CYB5R4: variants seen among roughly 807,000 people sequenced by gnomAD.
The protein encoded by CYB5R4 is N-terminal cytochrome b5 and cytochrome b5 oxidoreductase domain-containing protein.
Under a neutral mutation model 70.2 loss-of-function variants are expected in CYB5R4, and 55 were observed. The ratio of observed to expected loss-of-function variants is 0.78; its 90% CI spans 0.63 to 0.98. The LOEUF (loss-of-function observed/expected upper bound fraction) is 0.98, where lower values mean the gene tolerates loss of function less well. CYB5R4 is among the 50% of genes least tolerant of loss of function. The pLI is 0.00. For synonymous variants in CYB5R4, 197 were observed against 199.5 expected (o/e 0.99, Z 0.11); for missense variants, 562 against 612.6 (o/e 0.92, Z 0.87).
intron 10 of CYB5R4, 37 bp downstream of exon 10, chr6:83,924,629 C>A: frequency 1.9e-6 from 3 of 1,596,926 alleles, no homozygotes; most frequent in South Asian, 1.1e-5. Flanking sequence ...ATTTCACATT[C>A]ATGAAATTGT....
intron 2 of CYB5R4, among the ~76,000 whole-genome samples, chr6:83,870,199 AT>A (rs575557529): frequency 5.8e-4 from 89 of 152,208 alleles, no homozygotes; most frequent in Admixed American, 1.4e-3. Flanking sequence ...ATGGGTCAGT[AT>A]TCGCTAATTC....
At chr6:83,915,612 T>C (rs1413117983) in intron 5 of CYB5R4, among the ~76,000 whole-genome samples, 1 of 152,250 alleles carries the variant, frequency 6.6e-6, no homozygotes, top group Admixed American at 6.5e-5. Flanking sequence ...ATTTGACTAA[T>C]TTCTCAGTAA....
At chr6:83,879,967 G>A (rs2099459202) in intron 2 of CYB5R4, among the ~76,000 whole-genome samples, 1 of 152,170 alleles carries the variant, frequency 6.6e-6, no homozygotes, top group Non-Finnish European at 1.5e-5. Flanking sequence ...TTGGAATTTA[G>A]ATCATCTGGT....
chr6:83,920,630 T>C (rs1316197313), intron 7 of CYB5R4, among the ~76,000 whole-genome samples: 1 of 151,600 alleles, frequency 6.6e-6, no homozygotes, highest in Non-Finnish European at 1.5e-5. Context: ...TTGATTTTTT[T>C]TATAAGCTAA....
At chr6:83,922,344 A>C in intron 8 of CYB5R4, 94 bp from the exon 9 acceptor site, 1 of 858,546 alleles carries the variant, frequency 1.2e-6, no homozygotes, top group East Asian at 2.8e-5. Flanking sequence ...GGGATTTGAA[A>C]TAGTACATAA....
intron 2 of CYB5R4, among the ~76,000 whole-genome samples, chr6:83,872,411 G>A (rs1213716048): frequency 1.3e-5 from 2 of 152,140 alleles, no homozygotes; most frequent in African/African-American, 2.4e-5. Flanking sequence ...TAGAGAATCC[G>A]CATTTACCAA....
chr6:83,869,433 C>T (rs1156530164), intron 2 of CYB5R4, among the ~76,000 whole-genome samples: 4 of 152,204 alleles, frequency 2.6e-5, no homozygotes, highest in African/African-American at 9.7e-5. Flanking sequence ...AAGACACACA[C>T]AGAGCAGTGA....
At chr6:83,885,124 T>G (rs527680714) in intron 2 of CYB5R4, among the ~76,000 whole-genome samples, 3 of 152,322 alleles carry the variant, frequency 2.0e-5, no homozygotes, top group African/African-American at 7.2e-5. Context: ...CTATATGTTA[T>G]AAATAGTACC....
chr6:83,963,502 T>G lies in CYB5R4; in HGVS notation c.*3624T>G, dbSNP rs946363239. ...GTATTTAACATTGTGGCAAATAAAT[T>G]ATAAAGGAAAAATGGAATCTCAAGT... On this transcript the variant is annotated 3_prime_UTR_variant, in exon 16 of 16. Transcript: ENST00000369681. 1 of 152,152 alleles carries G rather than the reference T, an allele frequency of 6.6e-6. No homozygotes were observed. The highest frequency in any genetic ancestry group is 1.5e-5 in the Non-Finnish European group (1 of 68,022). 9.4% of individuals were successfully genotyped at this position (152,152 alleles called of 1,614,324 possible).
intron 4 of CYB5R4, 23 bp from the exon 5 acceptor site, chr6:83,914,393 T>A (rs1406830506): frequency 6.5e-7 from 1 of 1,528,424 alleles, no homozygotes; most frequent in Non-Finnish European, 8.9e-7. Flanking sequence ...TTATTTGACT[T>A]TTTTTTCTAA....
chr6:83,896,469 A>G (rs970252308), intron 3 of CYB5R4, among the ~76,000 whole-genome samples: 6 of 152,084 alleles, frequency 3.9e-5, no homozygotes, highest in African/African-American at 1.4e-4. Context: ...TCTATTCTCT[A>G]TGTCAATGAG....
chr6:83,930,965 G>A (rs746607488), intron 10 of CYB5R4, among the ~76,000 whole-genome samples: 5 of 152,258 alleles, frequency 3.3e-5, no homozygotes, highest in Non-Finnish European at 7.3e-5. Flanking sequence ...TTGAGAAGAG[G>A]TAGGACCTTG....
At chr6:83,921,208 T>C in intron 8 of CYB5R4, 33 bp downstream of exon 8, 2 of 1,426,814 alleles carry the variant, frequency 1.4e-6, no homozygotes, top group Non-Finnish European at 1.9e-6. Flanking sequence ...TGGAAAGAGC[T>C]CTGGTTTTCT....
chr6:83,911,565 A>AT lies in CYB5R4; in HGVS notation c.412+2485dup, dbSNP rs541947944. 1.5e-3 allele frequency among the ~76,000 whole-genome samples: 222 copies of AT among 150,370 alleles called. 8 individuals are homozygous for AT. In the South Asian group the frequency reaches 0.042, roughly 28 times the overall value. ...GTAAAACATTCAATTAATGCTCAGCATTTTTTTTTTCCTAGAATGCTTTTC... is the reference window on the plus strand; with the variant it reads ...GTAAAACATTCAATTAATGCTCAGCATTTTTTTTTTTCCTAGAATGCTTTTC... On this transcript the variant is annotated intron_variant, in intron 4 of 15. Coordinates refer to ENST00000369681, the MANE Select transcript of CYB5R4 (RefSeq NM_016230.4).
At chr6:83,922,390 T>C in intron 8 of CYB5R4, 48 bp from the exon 9 acceptor site, 2 of 1,518,478 alleles carry the variant, frequency 1.3e-6, no homozygotes, top group African/African-American at 1.4e-5. Context: ...GTTCAAAAAC[T>C]GTATGAATTG....
chr6:83,880,157 A>G (rs7772151), intron 2 of CYB5R4, among the ~76,000 whole-genome samples: 43,218 of 152,144 alleles, frequency 0.28, 12,034 homozygotes, highest in African/African-American at 0.72. Context: ...ACCATGTGTC[A>G]TTTTAGTACA....
At chr6:83,876,004 C>T (rs947127861) in intron 2 of CYB5R4, among the ~76,000 whole-genome samples, 4 of 152,040 alleles carry the variant, frequency 2.6e-5, no homozygotes, top group Non-Finnish European at 4.4e-5. Flanking sequence ...CTGGTTCGAA[C>T]GCCTCTGACA....
At chr6:83,911,469 A>G (rs141411583) in intron 4 of CYB5R4, among the ~76,000 whole-genome samples, 41 of 152,310 alleles carry the variant, frequency 2.7e-4, no homozygotes, top group African/African-American at 9.1e-4. Flanking sequence ...CTGAGCTCTT[A>G]TCTGATGGTG....
At chr6:83,894,964 G>A (rs1005995637) in intron 3 of CYB5R4, among the ~76,000 whole-genome samples, 3 of 152,064 alleles carry the variant, frequency 2.0e-5, no homozygotes, top group African/African-American at 7.2e-5. Context: ...GTTGTTCAAG[G>A]GCCCATTGTG....
Sources: gnomAD v4.1 joint callset for allele counts (sites outside exome capture counted in the v4.1 genomes callset) on GRCh38, gnomAD v4.1.1 for gene constraint, MANE v1.5 for transcripts, NCBI Gene and HGNC (gene_info 2026-07-23, HGNC 2026-07-21) for gene names.